GLUD1: variants seen among roughly 807,000 people sequenced by gnomAD.
GLUD1 encodes the protein glutamate dehydrogenase 1, mitochondrial.
In GLUD1, 22 loss-of-function variants were observed where a neutral mutation model predicts 56.0. That is an observed-to-expected ratio of 0.39 (90% CI 0.28 to 0.56). The LOEUF (loss-of-function observed/expected upper bound fraction) is 0.56. GLUD1 is among the 20% of genes least tolerant of loss of function. The probability of loss-of-function intolerance (pLI) is 0.58; values close to 1 mark genes in which losing one functional copy is unlikely to be tolerated. For synonymous variants in GLUD1, 223 were observed against 269.9 expected (o/e 0.83, Z 1.70); for missense variants, 451 against 732.0 (o/e 0.62, Z 4.43).
intron 4 of GLUD1, among the ~76,000 whole-genome samples, chr10:87,069,271 C>A (rs1252979194): frequency 6.6e-6 from 1 of 152,014 alleles, no homozygotes; most frequent in Non-Finnish European, 1.5e-5. Flanking sequence ...AATCCCAGCA[C>A]CTTGGGAGGC....
In GLUD1 at chr10:87,076,034, A is replaced by C; in HGVS notation, c.527-11T>G. 1 of 1,587,706 alleles carries C rather than the reference A, an allele frequency of 6.3e-7. No homozygotes were observed. The highest frequency in any genetic ancestry group is 8.6e-7 in the Non-Finnish European group (1 of 1,163,392). On this transcript the variant is annotated splice_polypyrimidine_tract_variant and intron_variant, in intron 2 of 12. Coordinates refer to ENST00000277865, the MANE Select transcript of GLUD1 (RefSeq NM_005271.5). ...CCCCAAACGGCACATCTGAAAGAGA[A>C]GGCTGATGGTTGCTATTCCATATAA...
chr10:87,051,910 T>C, intron 12 of GLUD1, 40 bp from the exon 13 acceptor site: 2 of 1,612,938 alleles, frequency 1.2e-6, no homozygotes, highest in Middle Eastern at 1.7e-4. Flanking sequence ...TGATCCTGAC[T>C]CAAGTGGCCA....
At chr10:87,061,120 G>T in intron 6 of GLUD1, 68 bp from the exon 7 acceptor site, 2 of 1,406,724 alleles carry the variant, frequency 1.4e-6, no homozygotes, top group South Asian at 1.2e-5. Flanking sequence ...GTCATATTTT[G>T]ACCAATGTAA....
chr10:87,091,091 A>G (rs1216164640), intron 1 of GLUD1, among the ~76,000 whole-genome samples: 1 of 152,108 alleles, frequency 6.6e-6, no homozygotes, highest in Non-Finnish European at 1.5e-5. Context: ...TTTTTTGGGT[A>G]CTAATATTTG....
chr10:87,056,074 C>T (rs1845763544), intron 11 of GLUD1, among the ~76,000 whole-genome samples: 1 of 134,706 alleles, frequency 7.4e-6, no homozygotes, highest in African/African-American at 2.9e-5. Context: ...CAAAATCGCA[C>T]CACTGCACTC....
chr10:87,077,818 T>G (rs539512335), intron 1 of GLUD1, among the ~76,000 whole-genome samples: 127 of 151,982 alleles, frequency 8.4e-4, no homozygotes, highest in Non-Finnish European at 1.4e-3. Context: ...GCTGCAGCAT[T>G]TTTTCTACCC....
intron 1 of GLUD1, among the ~76,000 whole-genome samples, chr10:87,079,410 C>T (rs1305325678): frequency 4.6e-5 from 7 of 150,940 alleles, no homozygotes; most frequent in African/African-American, 9.8e-5. Context: ...TGCACTAAAC[C>T]CCAGCAACAG....
At chr10:87,072,544 A>G (rs1846267450) in intron 4 of GLUD1, among the ~76,000 whole-genome samples, 1 of 152,244 alleles carries the variant, frequency 6.6e-6, no homozygotes, top group Non-Finnish European at 1.5e-5. Flanking sequence ...CCTAGGCTTC[A>G]AAGCTTTCTG....
At chr10:87,055,705 G>A (rs570160806) in intron 11 of GLUD1, among the ~76,000 whole-genome samples, 1 of 152,244 alleles carries the variant, frequency 6.6e-6, no homozygotes, top group East Asian at 1.9e-4. Context: ...TGAGGGGAAC[G>A]GTTAGTACCT....
At chr10:87,065,289 A>C (rs1360809129) in intron 5 of GLUD1, among the ~76,000 whole-genome samples, 5 of 147,630 alleles carry the variant, frequency 3.4e-5, no homozygotes, top group African/African-American at 1.3e-4. Flanking sequence ...AAAAAAAAAA[A>C]AAAAAAAAAA....
chr10:87,058,529 A>T (rs1845846535), intron 10 of GLUD1, among the ~76,000 whole-genome samples: 1 of 152,204 alleles, frequency 6.6e-6, no homozygotes, highest in African/African-American at 2.4e-5. Flanking sequence ...TTGACACTAG[A>T]TAGGCCTTTA....
intron 1 of GLUD1, among the ~76,000 whole-genome samples, chr10:87,080,698 C>G (rs1174116171): frequency 3.3e-5 from 5 of 151,122 alleles, no homozygotes; most frequent in African/African-American, 1.2e-4. Context: ...GACCCTCTGC[C>G]CGGCAACCGC....
At chr10:87,082,881 G>C (rs1339964521) in intron 1 of GLUD1, among the ~76,000 whole-genome samples, 3 of 152,168 alleles carry the variant, frequency 2.0e-5, no homozygotes, top group African/African-American at 7.2e-5. Context: ...GGAAACCAAA[G>C]ATAACTATCA....
intron 1 of GLUD1, among the ~76,000 whole-genome samples, chr10:87,088,680 T>C (rs958099610): frequency 6.6e-6 from 1 of 152,262 alleles, no homozygotes; most frequent in Non-Finnish European, 1.5e-5. Flanking sequence ...TTTTCATTTG[T>C]CATCTTTCAC....
intron 1 of GLUD1, among the ~76,000 whole-genome samples, chr10:87,092,160 AAC>A (rs1167327902): frequency 2.0e-5 from 3 of 152,192 alleles, no homozygotes; most frequent in Non-Finnish European, 2.9e-5. Context: ...GGATGTCTTG[AAC>A]ACAAAGCATG....
At position 87,059,276 on chromosome 10, in the gene GLUD1, A is replaced by G. The variant is rs1845868081; in HGVS notation, c.1279-3T>C. 2.5e-6 allele frequency: 4 copies of G among 1,613,496 alleles called. No homozygotes were observed. The East Asian group carries it at 8.9e-5, about 36-fold the overall frequency. On this transcript the variant is annotated splice_region_variant and splice_polypyrimidine_tract_variant and intron_variant, in intron 9 of 12. Coordinates refer to ENST00000277865, the MANE Select transcript of GLUD1 (RefSeq NM_005271.5). ...CCTCCAGCATTCAAGTAGAGATCCT[A>G]TGCACAAAAATAAGACAAAGAAATT...
chr10:87,057,226 A>C (rs1020521963), intron 11 of GLUD1, among the ~76,000 whole-genome samples: 1 of 152,034 alleles, frequency 6.6e-6, no homozygotes, highest in Non-Finnish European at 1.5e-5. Flanking sequence ...TGACTTCGTG[A>C]TCCACCCGCC....
chr10:87,070,492 G>A (rs1354894135), intron 4 of GLUD1, among the ~76,000 whole-genome samples: 1 of 152,066 alleles, frequency 6.6e-6, no homozygotes, highest in East Asian at 1.9e-4. Flanking sequence ...CCAGCTACTC[G>A]GGAGGCTGAG....
intron 1 of GLUD1, among the ~76,000 whole-genome samples, chr10:87,083,854 T>A (rs1292688963): frequency 6.6e-6 from 1 of 151,926 alleles, no homozygotes; most frequent in Non-Finnish European, 1.5e-5. Context: ...CACCGCATCT[T>A]AAAACTCTGT....
Sources: gnomAD v4.1 joint callset for allele counts (sites outside exome capture counted in the v4.1 genomes callset) on GRCh38, gnomAD v4.1.1 for gene constraint, MANE v1.5 for transcripts, NCBI Gene and HGNC (gene_info 2026-07-23, HGNC 2026-07-21) for gene names.